The following SIRPD variants were observed in gnomAD, a reference collection of about 807,000 sequenced individuals.
SIRPD encodes the protein signal regulatory protein delta.
In SIRPD, 21 loss-of-function variants were observed where a neutral mutation model predicts 18.0. That is an observed-to-expected ratio of 1.17 (90% CI 0.83 to 1.68). SIRPD has a LOEUF of 1.68. Ranked by LOEUF, SIRPD falls within the 40% of genes most tolerant of loss-of-function variation. The pLI is 0.00. For synonymous variants in SIRPD, 106 were observed against 92.9 expected, an observed-to-expected ratio of 1.14 and a Z score of -0.81; for missense variants, 295 against 238.4, an observed-to-expected ratio of 1.24 and a Z score of -1.56.
intron 3 of SIRPD, among the ~76,000 whole-genome samples, chr20:1,535,554 C>T (rs1260733622): frequency 6.6e-6 from 1 of 152,132 alleles, no homozygotes; most frequent in East Asian, 1.9e-4. Flanking sequence ...GCTCAGTCCC[C>T]TCACCATGTG....
chr20:1,540,102 C>A, intron 2 of SIRPD: 1 of 327,242 alleles, frequency 3.1e-6, no homozygotes, highest in Admixed American at 4.3e-5. Context: ...AATCTGGTAG[C>A]TTAATTGTGA....
chr20:1,549,232 T>C (rs73078707), intron 2 of SIRPD, among the ~76,000 whole-genome samples: 8,526 of 152,294 alleles, frequency 0.056, 277 homozygotes, highest in Non-Finnish European at 0.075. Context: ...TGATGCAACA[T>C]TATCATGTTA....
At chr20:1,537,113 G>A (rs779479431) in intron 3 of SIRPD, 42 bp downstream of exon 3, 10 of 1,598,512 alleles carry the variant, frequency 6.3e-6, no homozygotes, top group Middle Eastern at 1.7e-4. Context: ...AAACTCAGGA[G>A]AGCATCCCTG....
At chr20:1,555,685 A>G (rs1803103217) in intron 1 of SIRPD, among the ~76,000 whole-genome samples, 1 of 152,262 alleles carries the variant, frequency 6.6e-6, no homozygotes, top group African/African-American at 2.4e-5. Flanking sequence ...AATAAGTTCT[A>G]CAAAACAATG....
At chr20:1,541,513 T>C (rs1216729765) in intron 2 of SIRPD, among the ~76,000 whole-genome samples, 1 of 152,120 alleles carries the variant, frequency 6.6e-6, no homozygotes, top group African/African-American at 2.4e-5. Flanking sequence ...CATTTGTTCA[T>C]GTTCCTTGTA....
At chr20:1,552,612 C>G (rs2091024386) in intron 1 of SIRPD, among the ~76,000 whole-genome samples, 1 of 152,100 alleles carries the variant, frequency 6.6e-6, no homozygotes, top group Non-Finnish European at 1.5e-5. Flanking sequence ...TTCCTCTCCT[C>G]AACAAAAAGA....
intron 2 of SIRPD, among the ~76,000 whole-genome samples, chr20:1,546,090 CG>C (rs989547164): frequency 2.0e-5 from 3 of 152,196 alleles, no homozygotes. Context: ...TCAGGAGGCA[CG>C]GGGGTCAGCG....
chr20:1,551,725 G>A lies in SIRPD; in HGVS notation c.387C>T (p.Tyr129=). ...KFIKGRAIKE[Y]QSGRGTQVFV... is the part of the protein sequence containing the mutation. ...ACACCTGAGTGCCCCGACCTGATTG[G>A]TACTCCTTGATAGCTCTTCCTTTTA... Residue 129 remains tyrosine, a synonymous_variant, in exon 2 of 4, where the codon TAC becomes TAT. Transcript: ENST00000381623. The A allele has an allele frequency of 6.2e-7, 1 of 1,613,958 alleles. No individual in the cohort carries two copies. Among genetic ancestry groups the A allele is most frequent in the Non-Finnish European group, 8.5e-7 (1 of 1,179,892 alleles).
chr20:1,547,581 G>A (rs1458184149), intron 2 of SIRPD, among the ~76,000 whole-genome samples: 1 of 152,136 alleles, frequency 6.6e-6, no homozygotes, highest in South Asian at 2.1e-4. Context: ...AAAGAAAAAC[G>A]TGTGTTCTCC....
intron 2 of SIRPD, among the ~76,000 whole-genome samples, chr20:1,548,287 C>T (rs2091003058): frequency 6.6e-6 from 1 of 151,996 alleles, no homozygotes. Context: ...CCTACTATTC[C>T]TAGTTTTTTG....
intron 2 of SIRPD, among the ~76,000 whole-genome samples, chr20:1,544,877 T>A (rs1029521444): frequency 6.6e-6 from 1 of 152,132 alleles, no homozygotes; most frequent in Non-Finnish European, 1.5e-5. Context: ...TTTATGAAGC[T>A]TTTTTTGGCT....
chr20:1,535,892 C>T (rs2090943150), intron 3 of SIRPD, among the ~76,000 whole-genome samples: 1 of 152,164 alleles, frequency 6.6e-6, no homozygotes, highest in Non-Finnish European at 1.5e-5. Context: ...GGACTGTGCT[C>T]ATAGAAGGAC....
In SIRPD at chr20:1,534,386, G is replaced by C. The variant is rs1427417942; in HGVS notation, c.*39C>G. On this transcript the variant is annotated 3_prime_UTR_variant, in exon 4 of 4. Transcript: ENST00000381623. ...TCCAGGGAGTCAGAAGAGTATGGGG[G>C]CTTTTGTTATTTACTTGTACGTTCC... 6.2e-7 allele frequency: 1 copy of C among 1,611,588 alleles called. No homozygotes were observed. Among genetic ancestry groups the C allele is most frequent in the East Asian group, 2.2e-5 (1 of 44,876 alleles).
At chr20:1,555,224 G>A (rs931626688) in intron 1 of SIRPD, among the ~76,000 whole-genome samples, 1 of 152,144 alleles carries the variant, frequency 6.6e-6, no homozygotes, top group Non-Finnish European at 1.5e-5. Flanking sequence ...GGCACAGAAA[G>A]ACAAATACCA....
intron 2 of SIRPD, among the ~76,000 whole-genome samples, chr20:1,538,592 A>T (rs532194820): frequency 6.6e-6 from 1 of 152,328 alleles, no homozygotes; most frequent in Middle Eastern, 3.4e-3. Flanking sequence ...AGGCTAGACC[A>T]TAATAATTCC....
chr20:1,535,939 C>G (rs1247029886), intron 3 of SIRPD, among the ~76,000 whole-genome samples: 1 of 152,162 alleles, frequency 6.6e-6, no homozygotes, highest in Non-Finnish European at 1.5e-5. Context: ...AACTGCAAGT[C>G]CAGTAGGCCA....
intron 2 of SIRPD, among the ~76,000 whole-genome samples, chr20:1,548,715 C>G (rs1312662838): frequency 6.6e-6 from 1 of 151,762 alleles, no homozygotes; most frequent in African/African-American, 2.4e-5. Context: ...AGGAGTTTGT[C>G]TTTTTCATCA....
chr20:1,541,908 T>C (rs537816179), intron 2 of SIRPD, among the ~76,000 whole-genome samples: 81 of 152,338 alleles, frequency 5.3e-4, no homozygotes, highest in African/African-American at 1.9e-3. Flanking sequence ...CCTTTCCCCA[T>C]TGCTTATTTT....
At chr20:1,536,107 T>C (rs1025792682) in intron 3 of SIRPD, among the ~76,000 whole-genome samples, 3 of 152,126 alleles carry the variant, frequency 2.0e-5, no homozygotes, top group African/African-American at 7.2e-5. Flanking sequence ...AGAGTGAGAG[T>C]TGCAATGGCC....
Sources: gnomAD v4.1 joint callset for allele counts (sites outside exome capture counted in the v4.1 genomes callset) on GRCh38, gnomAD v4.1.1 for gene constraint, MANE v1.5 for transcripts, NCBI Gene and HGNC (gene_info 2026-07-23, HGNC 2026-07-21) for gene names.